The following ANK3 variants were observed in gnomAD, a reference collection of about 807,000 sequenced individuals.
ANK3 encodes ankyrin 3, also known as ankyrin-3.
ANK3 carries 57 observed loss-of-function variants against 370.9 expected under a neutral mutation model. The observed-to-expected ratio is 0.15, with a 90% CI of 0.12 to 0.19. ANK3 has a LOEUF of 0.19. ANK3 is among the 10% of genes least tolerant of loss of function. The pLI, the probability that ANK3 is intolerant of heterozygous loss-of-function variation, is 1.00. For synonymous variants in ANK3, 1,929 were observed against 1,946.3 expected, an observed-to-expected ratio of 0.99 and a Z score of 0.23; for missense variants, 4,439 against 5,302.1, an observed-to-expected ratio of 0.84 and a Z score of 5.06.
At chr10:60,625,856 CTG>C (rs1226220156) in intron 1 of ANK3, among the ~76,000 whole-genome samples, 5 of 152,170 alleles carry the variant, frequency 3.3e-5, no homozygotes, top group African/African-American at 1.2e-4. Context: ...ACCCTAAAAA[CTG>C]AGATGAAATA....
At chr10:60,298,806 G>A (rs2043072348) in intron 1 of ANK3, among the ~76,000 whole-genome samples, 1 of 151,934 alleles carries the variant, frequency 6.6e-6, no homozygotes, top group African/African-American at 2.4e-5. Flanking sequence ...AACTCTTCAG[G>A]TACATTCTTT....
At chr10:60,321,937 G>A (rs1007239835) in intron 1 of ANK3, among the ~76,000 whole-genome samples, 2 of 152,090 alleles carry the variant, frequency 1.3e-5, no homozygotes, top group African/African-American at 4.8e-5. Context: ...CTTGCGGTGG[G>A]GGGTGCGAGC....
intron 1 of ANK3, among the ~76,000 whole-genome samples, chr10:60,621,203 A>T (rs1174433490): frequency 6.6e-6 from 1 of 152,192 alleles, no homozygotes; most frequent in Non-Finnish European, 1.5e-5. Context: ...GCTTATACCT[A>T]CAAATGCACC....
At chr10:60,537,932 C>A (rs2076760439) in intron 2 of ANK3, among the ~76,000 whole-genome samples, 1 of 151,846 alleles carries the variant, frequency 6.6e-6, no homozygotes, top group Non-Finnish European at 1.5e-5. Flanking sequence ...ATGTGTGATT[C>A]ATGATGAGTC....
chr10:60,305,100 A>T (rs12217983), intron 1 of ANK3, among the ~76,000 whole-genome samples: 33,589 of 152,164 alleles, frequency 0.22, 4,687 homozygotes, highest in Middle Eastern at 0.42. Flanking sequence ...GGCTGGCTTA[A>T]AAAGTCTTCA....
chr10:60,724,237 T>C (rs555860836), intron 1 of ANK3, among the ~76,000 whole-genome samples: 1 of 102,718 alleles, frequency 9.7e-6, no homozygotes, highest in African/African-American at 3.8e-5. Context: ...AAAAAAGAAA[T>C]GGATTCTCCT....
intron 1 of ANK3, among the ~76,000 whole-genome samples, chr10:60,635,311 T>C (rs1239597518): frequency 6.6e-6 from 1 of 152,204 alleles, no homozygotes; most frequent in Non-Finnish European, 1.5e-5. Context: ...TACTGATTTA[T>C]CTGTAATTTG....
At chr10:60,353,806 T>G (rs1316403115) in intron 1 of ANK3, among the ~76,000 whole-genome samples, 1 of 152,186 alleles carries the variant, frequency 6.6e-6, no homozygotes. Flanking sequence ...AACCTACTGT[T>G]TCACCCCACT....
chr10:60,330,955 C>A (rs375776724), intron 1 of ANK3, among the ~76,000 whole-genome samples: 1 of 152,126 alleles, frequency 6.6e-6, no homozygotes, highest in Non-Finnish European at 1.5e-5. Context: ...AATGAATTCA[C>A]GTCCTTTGCA....
At position 60,181,467 on chromosome 10, in the gene ANK3, G is replaced by A. The variant is rs747639359; in HGVS notation, c.2086-40C>T. The A allele has an allele frequency of 4.5e-6, 7 of 1,563,118 alleles. No homozygotes were observed. In the Admixed American group the frequency reaches 8.4e-5, roughly 19 times the overall value. On this transcript the variant is annotated intron_variant, in intron 17 of 43. Transcript: ENST00000280772. ...AAGGGCACAGTCATCGTACAGGAAG[G>A]AATGTCACACACATAGCCATGTTTG...
rs779739373 is a variant in ANK3 at position 60,660,911 on chromosome 10, T to TACACACACACACACAC, written c.58-45688_58-45687insGTGTGTGTGTGTGTGT. 3.8e-4 allele frequency among the ~76,000 whole-genome samples: 56 copies of TACACACACACACACAC among 148,246 alleles called. No individual in the cohort carries two copies. In the South Asian group the frequency reaches 5.1e-3, roughly 13 times the overall value. ...GGAGCAAACCTCTCAGAGTTTTAAA[T>TACACACACACACACAC]ACACACTCACACACACACACACACC... On this transcript the variant is annotated intron_variant, in intron 1 of 43. Transcript: ENST00000373827.
In ANK3 at chr10:60,072,331, C is replaced by T. The variant is rs750925317; in HGVS notation, c.8550G>A (p.Lys2850=). Reference sequence around the variant, plus strand: ...CCGAACTCTCCCATGTTCTAAAGACCTTTTTGTCCCATGGTCCCCTAGTTG... The same window carrying T: ...CCGAACTCTCCCATGTTCTAAAGACTTTTTTGTCCCATGGTCCCCTAGTTG... ...DLATRGPWDK[K]VFRTWESSGA... is the part of the protein sequence containing the mutation. Residue 2850 remains lysine (K), a synonymous_variant, in exon 37 of 44, where the codon AAG becomes AAA. Transcript: ENST00000280772. The T allele has an allele frequency of 1.3e-5, 21 of 1,613,794 alleles. No individual in the cohort carries two copies. The Admixed American group carries it at 3.3e-4, about 26-fold the overall frequency.
intron 1 of ANK3, among the ~76,000 whole-genome samples, chr10:60,315,830 A>G (rs1391537107): frequency 6.6e-6 from 1 of 152,098 alleles, no homozygotes; most frequent in African/African-American, 2.4e-5. Flanking sequence ...CTTCCCAACC[A>G]GCATGTTAAG....
intron 23 of ANK3, among the ~76,000 whole-genome samples, chr10:60,153,149 G>A (rs2095211277): frequency 6.6e-6 from 1 of 152,146 alleles, no homozygotes; most frequent in South Asian, 2.1e-4. Flanking sequence ...AATGAATGAA[G>A]TTCAATTATA....
rs200190212 is a variant in ANK3, at chr10:60,068,014, G to A, written c.12245-5C>T. The A allele has an allele frequency of 7.6e-5, 121 of 1,597,228 alleles. No individual in the cohort carries two copies. Among genetic ancestry groups the A allele is most frequent in the Non-Finnish European group, 9.6e-5 (112 of 1,167,284 alleles). On this transcript the variant is annotated splice_polypyrimidine_tract_variant and splice_region_variant and intron_variant, in intron 37 of 43. Coordinates refer to ENST00000280772, the MANE Select transcript of ANK3 (RefSeq NM_020987.5). Reference sequence around the variant, plus strand: ...GTTCACATGGACTCTGTGGACCTACGATTTACAATTTCTTAATTAAAATAA... The same window carrying A: ...GTTCACATGGACTCTGTGGACCTACAATTTACAATTTCTTAATTAAAATAA...
chr10:60,693,089 G>A (rs555897316), intron 1 of ANK3, among the ~76,000 whole-genome samples: 61 of 152,254 alleles, frequency 4.0e-4, no homozygotes, highest in African/African-American at 1.3e-3. Context: ...TGCCTCACTC[G>A]GGAAGCGCAA....
rs76945214 is a variant in ANK3, at chr10:60,253,781, G to C, written c.798+8078C>G. ...TACATAACCCTTAAAAGAAAGAAAA[G>C]AAGTCTTTGTCTTTAATGCTGTTGA... is the stretch of plus-strand genomic sequence containing the variant. On this transcript the variant is annotated intron_variant, in intron 7 of 43. Transcript: ENST00000280772. Among the ~76,000 whole-genome samples, 27 of 152,186 alleles carry C rather than the reference G, an allele frequency of 1.8e-4. No homozygotes were observed. The East Asian group carries it at 5.2e-3, about 29-fold the overall frequency.
At chr10:60,120,898 C>A (rs1188781417) in intron 25 of ANK3, among the ~76,000 whole-genome samples, 2 of 152,154 alleles carry the variant, frequency 1.3e-5, no homozygotes, top group African/African-American at 4.8e-5. Flanking sequence ...AGAGAGCAGT[C>A]TGGAGGTTCC....
At position 60,172,996 on chromosome 10, in the gene ANK3, A is replaced by G. The variant is rs749277498; in HGVS notation, c.2286T>C (p.Asn762=). 1 of 1,612,274 alleles carries G rather than the reference A, an allele frequency of 6.2e-7. No homozygotes were observed. Among genetic ancestry groups the G allele is most frequent in the East Asian group, 2.2e-5 (1 of 44,828 alleles). The change falls in exon 20 of 44, where the codon AAT becomes AAC. Residue 762 remains asparagine, a splice_region_variant and synonymous_variant. Coordinates refer to ENST00000280772, the MANE Select transcript of ANK3 (RefSeq NM_020987.5). ...HSAKVNAKTK[N]GYTPLHQAAQ... ...CTGCTTGATGTAATGGCGTATACCCATTCTGTAGAAGGAAGATGGAAGAGA... is the reference window on the plus strand; with the variant it reads ...CTGCTTGATGTAATGGCGTATACCCGTTCTGTAGAAGGAAGATGGAAGAGA...
Sources: allele counts gnomAD v4.1 joint callset (sites outside exome capture counted in the v4.1 genomes callset), GRCh38; gene constraint gnomAD v4.1.1; transcripts MANE v1.5; gene names NCBI Gene and HGNC (gene_info 2026-07-23, HGNC 2026-07-21).